Variants in GAP43 observed in about 807,000 individuals in gnomAD.
The protein encoded by GAP43 is neuromodulin.
A neutral mutation model predicts 18.6 loss-of-function variants in GAP43; 6 were observed. That is an observed-to-expected ratio of 0.32 (90% CI 0.18 to 0.64). The LOEUF (loss-of-function observed/expected upper bound fraction) is 0.64. Ranked by LOEUF, GAP43 falls within the 30% of genes least tolerant of loss-of-function variation. GAP43 has a pLI of 0.78. For missense variants in GAP43, 292 were observed against 295.5 expected (o/e 0.99, Z 0.09); for synonymous variants, 115 against 111.4 (o/e 1.03, Z -0.20).
At chr3:115,650,719 ATATAAC>A (rs1708510993) in intron 1 of GAP43, among the ~76,000 whole-genome samples, 1 of 152,228 alleles carries the variant, frequency 6.6e-6, no homozygotes, top group African/African-American at 2.4e-5. Context: ...TAACTTTGAT[ATATAAC>A]TATAATTTTT....
chr3:115,681,240 AT>A (rs1301386106), intron 2 of GAP43, among the ~76,000 whole-genome samples: 1 of 152,020 alleles, frequency 6.6e-6, no homozygotes, highest in Non-Finnish European at 1.5e-5. Flanking sequence ...TTTTCTTTCT[AT>A]TTTTATATTC....
chr3:115,685,096 A>T (rs1368105242), intron 2 of GAP43, among the ~76,000 whole-genome samples: 4 of 152,136 alleles, frequency 2.6e-5, no homozygotes, highest in African/African-American at 9.7e-5. Flanking sequence ...TCCTAAACTG[A>T]CCCAGGAAAA....
At chr3:115,697,233 TTTTG>T (rs1336027879) in intron 2 of GAP43, among the ~76,000 whole-genome samples, 8 of 152,008 alleles carry the variant, frequency 5.3e-5, no homozygotes, top group Admixed American at 5.2e-4. Flanking sequence ...ACAGGGTATT[TTTTG>T]TTTTATTATT....
intron 1 of GAP43, among the ~76,000 whole-genome samples, chr3:115,646,418 G>T (rs1708457867): frequency 6.6e-6 from 1 of 152,098 alleles, no homozygotes; most frequent in South Asian, 2.1e-4. Flanking sequence ...GTCAAGGATA[G>T]TAGCTGAAGA....
At chr3:115,696,578 G>GCCCC (rs71141833) in intron 2 of GAP43, among the ~76,000 whole-genome samples, 3 of 55,190 alleles carry the variant, frequency 5.4e-5, no homozygotes, top group African/African-American at 2.9e-4. Context: ...GCCCCCCACC[G>GCCCC]CCCCCCCCCC....
chr3:115,650,209 T>A (rs1412869669), intron 1 of GAP43, among the ~76,000 whole-genome samples: 1 of 152,138 alleles, frequency 6.6e-6, no homozygotes, highest in African/African-American at 2.4e-5. Flanking sequence ...TGTGGTTATT[T>A]TTCTCTTCAC....
chr3:115,706,435 T>A (rs1472760522), intron 2 of GAP43, among the ~76,000 whole-genome samples: 2 of 152,172 alleles, frequency 1.3e-5, no homozygotes, highest in Non-Finnish European at 2.9e-5. Flanking sequence ...ACTCATTCAG[T>A]ATGGTAAACA....
intron 2 of GAP43, among the ~76,000 whole-genome samples, chr3:115,695,987 G>A (rs1709183567): frequency 6.6e-6 from 1 of 151,910 alleles, no homozygotes. Context: ...TTATTTCCCT[G>A]ATTTGAAATG....
chr3:115,656,009 T>A (rs1444620690), intron 1 of GAP43, among the ~76,000 whole-genome samples: 1 of 152,216 alleles, frequency 6.6e-6, no homozygotes, highest in Non-Finnish European at 1.5e-5. Context: ...TTCAGTTATC[T>A]ACTTTGTCCA....
intron 1 of GAP43, among the ~76,000 whole-genome samples, chr3:115,657,537 C>G (rs1708598452): frequency 6.6e-6 from 1 of 152,100 alleles, no homozygotes; most frequent in African/African-American, 2.4e-5. Flanking sequence ...AAATGACAAA[C>G]CAGATAAGGT....
At chr3:115,633,631 A>C (rs1708291995) in intron 1 of GAP43, among the ~76,000 whole-genome samples, 1 of 152,130 alleles carries the variant, frequency 6.6e-6, no homozygotes, top group Non-Finnish European at 1.5e-5. Flanking sequence ...TGAACCTATG[A>C]GCTTATACAC....
intron 1 of GAP43, among the ~76,000 whole-genome samples, chr3:115,650,324 G>A (rs535313318): frequency 3.9e-5 from 6 of 152,244 alleles, no homozygotes; most frequent in Admixed American, 2.0e-4. Context: ...AAATATCAGC[G>A]AGGGCATTAT....
chr3:115,643,218 T>C lies in GAP43; in HGVS notation c.30+19499T>C, dbSNP rs565838793. Among the ~76,000 whole-genome samples the C allele has an allele frequency of 1.2e-4, 18 of 152,182 alleles. No homozygotes were observed. In the South Asian group the frequency reaches 3.7e-3, roughly 32 times the overall value. ...TCAGTCACTTTTTATCTTCAAGGAA[T>C]GACGTAAAGATGCAATGGCAATTAC... On this transcript the variant is annotated intron_variant, in intron 1 of 2. Transcript: ENST00000305124.
chr3:115,701,078 G>A (rs1022069522), intron 2 of GAP43, among the ~76,000 whole-genome samples: 4 of 152,108 alleles, frequency 2.6e-5, no homozygotes, highest in African/African-American at 9.7e-5. Context: ...CAGATAATTT[G>A]TTGGGGCAGC....
At chr3:115,638,052 C>T (rs1194700509) in intron 1 of GAP43, among the ~76,000 whole-genome samples, 3 of 151,988 alleles carry the variant, frequency 2.0e-5, no homozygotes, top group Non-Finnish European at 4.4e-5. Context: ...CTATCCACTC[C>T]ATCTCCAGTC....
At chr3:115,646,043 T>C (rs767448288) in intron 1 of GAP43, among the ~76,000 whole-genome samples, 101 of 152,250 alleles carry the variant, frequency 6.6e-4, no homozygotes, top group Middle Eastern at 6.8e-3. Context: ...AAATTTAAAA[T>C]ATACTCCTAT....
chr3:115,685,965 G>A (rs911526945), intron 2 of GAP43, among the ~76,000 whole-genome samples: 2 of 152,062 alleles, frequency 1.3e-5, no homozygotes, highest in East Asian at 1.9e-4. Flanking sequence ...TATCTGCAGC[G>A]GCATGCTGGT....
At chr3:115,627,814 G>A (rs1306203080) in intron 1 of GAP43, among the ~76,000 whole-genome samples, 1 of 152,148 alleles carries the variant, frequency 6.6e-6, no homozygotes, top group African/African-American at 2.4e-5. Context: ...AATTTGTGAA[G>A]TGTGGTCAGG....
chr3:115,633,274 A>G (rs1480391664), intron 1 of GAP43, among the ~76,000 whole-genome samples: 1 of 152,068 alleles, frequency 6.6e-6, no homozygotes, highest in Non-Finnish European at 1.5e-5. Context: ...ATGAGGATGA[A>G]TGAATTTTAT....
Sources: gnomAD v4.1 joint callset for allele counts (sites outside exome capture counted in the v4.1 genomes callset) on GRCh38, gnomAD v4.1.1 for gene constraint, MANE v1.5 for transcripts, NCBI Gene and HGNC (gene_info 2026-07-23, HGNC 2026-07-21) for gene names.